SVEP1: variants seen among roughly 807,000 people sequenced by gnomAD.
SVEP1 encodes sushi, von Willebrand factor type A, EGF and pentraxin domain-containing protein 1.
Under a neutral mutation model 367.3 loss-of-function variants are expected in SVEP1, and 164 were observed. The observed-to-expected ratio is 0.45, with a 90% confidence interval of 0.39 to 0.51. The LOEUF (loss-of-function observed/expected upper bound fraction) is 0.51, where lower values mean the gene tolerates loss of function less well. SVEP1 is among the 20% of genes least tolerant of loss of function. The pLI is 0.00. For synonymous variants in SVEP1, 1,666 were observed against 1,611.6 expected, an observed-to-expected ratio of 1.03 and a Z score of -0.81; for missense variants, 4,117 against 4,425.3, an observed-to-expected ratio of 0.93 and a Z score of 1.98.
At chr9:110,387,985 T>G (rs1827552590) in intron 41 of SVEP1, among the ~76,000 whole-genome samples, 1 of 152,204 alleles carries the variant, frequency 6.6e-6, no homozygotes, top group South Asian at 2.1e-4. Flanking sequence ...ATGTCCTGTA[T>G]TTTTGTTTCT....
chr9:110,493,432 A>G (rs1829400290), intron 8 of SVEP1, among the ~76,000 whole-genome samples: 1 of 152,078 alleles, frequency 6.6e-6, no homozygotes, highest in Non-Finnish European at 1.5e-5. Flanking sequence ...AAAATGTGGC[A>G]GCTTAAAACA....
At chr9:110,493,268 A>T (rs150142514) in intron 8 of SVEP1, among the ~76,000 whole-genome samples, 1 of 152,086 alleles carries the variant, frequency 6.6e-6, no homozygotes, top group African/African-American at 2.4e-5. Flanking sequence ...TGGACTACAC[A>T]AGAGAGATAA....
chr9:110,534,147 T>A (rs974987721), intron 3 of SVEP1, among the ~76,000 whole-genome samples: 8 of 152,106 alleles, frequency 5.3e-5, no homozygotes, highest in African/African-American at 1.9e-4. Context: ...TAGTACCCAA[T>A]AGTTATTTTT....
At chr9:110,558,478 C>T (rs573065906) in intron 1 of SVEP1, among the ~76,000 whole-genome samples, 2 of 141,366 alleles carry the variant, frequency 1.4e-5, no homozygotes, top group Admixed American at 7.3e-5. Flanking sequence ...GGTGCCACTG[C>T]ACTCCAGCCT....
chr9:110,432,708 C>T (rs1588050585), intron 30 of SVEP1, 73 bp from the exon 31 acceptor site: 1 of 1,499,552 alleles, frequency 6.7e-7, no homozygotes, highest in Non-Finnish European at 9.0e-7. Context: ...TTGTATTAAA[C>T]TAGCAGTTCA....
rs748655768 is a variant in SVEP1 at position 110,432,030 on chromosome 9, G to A, written c.5238C>T (p.Val1746=). The A allele has an allele frequency of 7.1e-5, 114 of 1,598,150 alleles. 2 individuals carry two copies. The East Asian group carries it at 8.5e-4, about 12-fold the overall frequency. ...AATCTGATCCAACTGCACACTCATC[G>A]ACATCTAAAATGAAGACAGCTTATA... The part of the protein sequence containing the change: ...WNGVSPSCLD[V]DECAVGSDCS... The change falls in exon 32 of 48, where the codon GTC becomes GTT. Residue 1746 remains valine, a synonymous_variant. Coordinates refer to ENST00000374469, the MANE Select transcript of SVEP1 (RefSeq NM_153366.4).
Position 110,404,528 on chromosome 9 carries a change from A to C in SVEP1, c.9465T>G (p.Asp3155Glu), listed in dbSNP as rs1588036509. 2 of 1,614,006 alleles carry C rather than the reference A, an allele frequency of 1.2e-6. No individual in the cohort carries two copies. The highest frequency in any genetic ancestry group is 1.1e-5 in the South Asian group (1 of 91,090). The part of the protein sequence containing the change: ...KLRCLEGYTM[D>E]TDTDTFTCQK... ...GACAGGTGAATGTATCTGTATCTGT[A>C]TCCATCGTATAACCTTCCAGACATC... is the stretch of plus-strand genomic sequence containing the variant. The change falls in exon 39 of 48, where the codon GAT becomes GAG. Residue 3155 changes from aspartate (D) to glutamate (E), a missense_variant. Asp to Glu is a conservative substitution (Grantham distance 45). This residue lies in a region of SVEP1 where 1,765 missense variants were observed against 1,781.1 expected (regional missense o/e 0.99). Transcript: ENST00000374469.
chr9:110,414,031 C>G (rs1828082473), intron 36 of SVEP1, among the ~76,000 whole-genome samples: 1 of 151,984 alleles, frequency 6.6e-6, no homozygotes, highest in African/African-American at 2.4e-5. Context: ...TTTGGTTGAT[C>G]AGTTTCCAAC....
At position 110,408,722 on chromosome 9, in the gene SVEP1, C is replaced by T. The variant is rs201910574; in HGVS notation, c.6878G>A (p.Gly2293Asp). The T allele has an allele frequency of 1.2e-4, 200 of 1,613,830 alleles. No individual in the cohort carries two copies. The highest frequency in any genetic ancestry group is 1.7e-4 in the Admixed American group (10 of 60,002). ...GSKVQFFCNE[G>D]YELVGDSSWT... ...AGAACTGTCACCAACAAGCTCATAACCCTCATTACAGAAAAACTGAACCTT... is the reference window on the plus strand; with the variant it reads ...AGAACTGTCACCAACAAGCTCATAATCCTCATTACAGAAAAACTGAACCTT... Residue 2293 changes from glycine to aspartate, a missense_variant, in exon 38 of 48, where the codon GGT becomes GAT. Coordinates refer to ENST00000374469, the MANE Select transcript of SVEP1 (RefSeq NM_153366.4).
At chr9:110,539,374 GCCTTTATAC>G (rs1830116580) in intron 3 of SVEP1, among the ~76,000 whole-genome samples, 2 of 152,112 alleles carry the variant, frequency 1.3e-5, no homozygotes, top group Non-Finnish European at 2.9e-5. Context: ...GTCATGCTAA[GCCTTTATAC>G]CATGTGAAGG....
At chr9:110,509,003 T>G (rs556442198) in intron 5 of SVEP1, among the ~76,000 whole-genome samples, 2 of 152,306 alleles carry the variant, frequency 1.3e-5, no homozygotes, top group East Asian at 3.9e-4. Context: ...ATAATATAAC[T>G]AAAATTATTC....
In SVEP1 at chr9:110,493,940, T is replaced by C. The variant is rs566528976; in HGVS notation, c.1800+2875A>G. ...GGCTGCCTGCATGGTCCTCCTCCTCTAGCTTCAAAGCCACTGATGGCAGAT... is the reference window on the plus strand; with the variant it reads ...GGCTGCCTGCATGGTCCTCCTCCTCCAGCTTCAAAGCCACTGATGGCAGAT... On this transcript the variant is annotated intron_variant, in intron 8 of 47. Transcript: ENST00000374469. Among the ~76,000 whole-genome samples, 18 of 152,282 alleles carry C rather than the reference T, an allele frequency of 1.2e-4. No individual in the cohort carries two copies. The South Asian group carries it at 3.5e-3, about 30-fold the overall frequency.
chr9:110,432,443 T>G lies in SVEP1; in HGVS notation c.5233+19A>C. Reference sequence around the variant, plus strand: ...GAGCTAGAATAATCTCATATAGTAGTTGCCAACATTTATCTCACCAAGGCA... The same window carrying G: ...GAGCTAGAATAATCTCATATAGTAGGTGCCAACATTTATCTCACCAAGGCA... On this transcript the variant is annotated intron_variant, in intron 31 of 47. Coordinates refer to ENST00000374469, the MANE Select transcript of SVEP1 (RefSeq NM_153366.4). 1 of 1,603,626 alleles carries G rather than the reference T, an allele frequency of 6.2e-7. No homozygotes were observed. The highest frequency in any genetic ancestry group is 8.5e-7 in the Non-Finnish European group (1 of 1,175,508).
intron 18 of SVEP1, among the ~76,000 whole-genome samples, chr9:110,459,907 A>G (rs1828831327): frequency 6.6e-6 from 1 of 151,950 alleles, no homozygotes; most frequent in Non-Finnish European, 1.5e-5. Context: ...TCTTTTATGG[A>G]GGTTTTTTAT....
chr9:110,486,292 A>C (rs1829275891), intron 9 of SVEP1, among the ~76,000 whole-genome samples: 1 of 152,236 alleles, frequency 6.6e-6, no homozygotes, highest in African/African-American at 2.4e-5. Flanking sequence ...CAGACATTTT[A>C]AAGTTAAATC....
intron 36 of SVEP1, among the ~76,000 whole-genome samples, chr9:110,414,047 C>T (rs1294092312): frequency 6.6e-6 from 1 of 151,952 alleles, no homozygotes; most frequent in Non-Finnish European, 1.5e-5. Context: ...CCAACACCTA[C>T]ACCTTTTCCA....
In SVEP1 at chr9:110,375,529, A is replaced by C. The variant is rs1422996567; in HGVS notation, c.10505-66T>G. ...ATTGAAATGGCGTTGATCAAAGTAC[A>C]CATCTTAGATAGGTTCAAGGGTTCA... On this transcript the variant is annotated intron_variant, in intron 45 of 47. Coordinates refer to ENST00000374469, the MANE Select transcript of SVEP1 (RefSeq NM_153366.4). 3 of 1,392,926 alleles carry C rather than the reference A, an allele frequency of 2.2e-6. No homozygotes were observed. In the African/African-American group the frequency reaches 4.4e-5, roughly 20 times the overall value. 86.3% of individuals were successfully genotyped at this position (1,392,926 alleles called of 1,614,324 possible). A position where few individuals can be genotyped will look rare whatever the true frequency, so the allele number is the denominator to read the frequency against.
intron 27 of SVEP1, 169 bp downstream of exon 27, chr9:110,443,376 A>G (rs1241543616): frequency 1.7e-6 from 1 of 577,434 alleles, no homozygotes; most frequent in Non-Finnish European, 2.7e-6. Context: ...ACTTAGGAAA[A>G]AAGCTTCTAA....
At chr9:110,395,061 A>G (rs1468148497) in intron 40 of SVEP1, among the ~76,000 whole-genome samples, 2 of 152,222 alleles carry the variant, frequency 1.3e-5, no homozygotes, top group Non-Finnish European at 2.9e-5. Context: ...CAGATTCACC[A>G]AAGTTGAAAT....
Sources: allele counts gnomAD v4.1 joint callset (sites outside exome capture counted in the v4.1 genomes callset), GRCh38; gene constraint gnomAD v4.1.1; regional missense constraint gnomAD v4.1.1; transcripts MANE v1.5; gene names NCBI Gene and HGNC (gene_info 2026-07-23, HGNC 2026-07-21).